TRAF3IP2: variants seen among roughly 807,000 people sequenced by gnomAD.
TRAF3IP2 encodes E3 ubiquitin ligase TRAF3IP2.
TRAF3IP2 carries 35 observed loss-of-function variants against 57.9 expected under a neutral mutation model. That is an observed-to-expected ratio of 0.60 (90% confidence interval 0.46 to 0.80). The LOEUF is 0.80. Ranked by LOEUF, TRAF3IP2 falls within the 30% of genes least tolerant of loss-of-function variation. The probability of loss-of-function intolerance (pLI) is 0.00; values close to 1 mark genes in which losing one functional copy is unlikely to be tolerated. For missense variants in TRAF3IP2, 556 were observed against 706.4 expected, an observed-to-expected ratio of 0.79 and a Z score of 2.41; for synonymous variants, 251 against 268.9, an observed-to-expected ratio of 0.93 and a Z score of 0.65.
rs368701195 is a variant in TRAF3IP2 at position 111,591,808 on chromosome 6, G to A, written c.279C>T (p.Asp93=). Residue 93 remains aspartate, a synonymous_variant, in exon 2 of 9, where the codon GAC becomes GAT. Coordinates refer to ENST00000368761, the MANE Select transcript of TRAF3IP2 (RefSeq NM_147686.4). This position sits in a 1 kb window ranked among gnomAD's most constrained non-coding sequence, Gnocchi z 4.9. ...GGCCTGGGTGTCTCCTGCAGAAACTGTCTTCACTGTCCTCCAGAACTTGAG... is the reference window on the plus strand; with the variant it reads ...GGCCTGGGTGTCTCCTGCAGAAACTATCTTCACTGTCCTCCAGAACTTGAG... ...LRTQVLEDSE[D]SFCRRHPGLG... The A allele has an allele frequency of 6.2e-6, 10 of 1,614,150 alleles. No homozygotes were observed. The African/African-American group carries it at 1.3e-4, about 22-fold the overall frequency.
intron 6 of TRAF3IP2, 143 bp downstream of exon 6, chr6:111,567,481 G>T: frequency 1.5e-6 from 2 of 1,305,924 alleles, no homozygotes; most frequent in Non-Finnish European, 9.9e-7. Flanking sequence ...GTCTTTGCAC[G>T]GCTTCCAACA....
At position 111,557,430 on chromosome 6, in the gene TRAF3IP2, T is replaced by TG. The variant is rs1259058969; in HGVS notation, c.*1974_*1975insC. 1 of 144,074 alleles carries TG rather than the reference T, an allele frequency of 6.9e-6. No individual in the cohort carries two copies. Among genetic ancestry groups the TG allele is most frequent in the Non-Finnish European group, 1.5e-5 (1 of 65,920 alleles). 8.9% of individuals were successfully genotyped at this position (144,074 alleles called of 1,614,324 possible). On this transcript the variant is annotated 3_prime_UTR_variant, in exon 9 of 9. Coordinates refer to ENST00000368761, the MANE Select transcript of TRAF3IP2 (RefSeq NM_147686.4). ...ACCTGAGGGTATTGTTGAAGTTTTT[T>TG]TTTTTTTTTTTTTTTTTGAGACGGA...
chr6:111,578,273 A>C (rs1259583160), intron 3 of TRAF3IP2, among the ~76,000 whole-genome samples: 4 of 152,190 alleles, frequency 2.6e-5, no homozygotes. Context: ...CTTCTGTTAG[A>C]GTGCCTATCC....
At chr6:111,567,389 G>T (rs1795687506) in intron 6 of TRAF3IP2, 2 of 1,262,602 alleles carry the variant, frequency 1.6e-6, no homozygotes, top group South Asian at 2.8e-5. Context: ...TCCTCTGATT[G>T]TTATCAACCA....
chr6:111,573,484 T>C (rs1466816358), intron 4 of TRAF3IP2: 1 of 153,782 alleles, frequency 6.5e-6, no homozygotes, highest in East Asian at 1.9e-4. Flanking sequence ...AGTGAGAAAC[T>C]GGTTCCCCGC....
chr6:111,593,076 T>C (rs1225535941), intron 1 of TRAF3IP2, among the ~76,000 whole-genome samples: 4 of 152,234 alleles, frequency 2.6e-5, no homozygotes, highest in Admixed American at 6.5e-5. Context: ...ATTGAGATGA[T>C]GCCTTGACTG....
intron 1 of TRAF3IP2, chr6:111,601,995 A>G (rs532559865): frequency 2.0e-5 from 3 of 152,360 alleles, no homozygotes; most frequent in African/African-American, 7.2e-5. Context: ...CAATGAACAA[A>G]TACTTCCAAG....
intron 1 of TRAF3IP2, among the ~76,000 whole-genome samples, chr6:111,604,708 G>A (rs75892631): frequency 0.062 from 9,491 of 152,244 alleles, 583 homozygotes; most frequent in African/African-American, 0.15. Flanking sequence ...TGGAAGGGGG[G>A]TGAGCACCTA....
chr6:111,573,341 C>G (rs955428116), intron 4 of TRAF3IP2, among the ~76,000 whole-genome samples: 1 of 152,098 alleles, frequency 6.6e-6, no homozygotes, highest in Non-Finnish European at 1.5e-5. Flanking sequence ...GCACTGTGCC[C>G]AAGGAATACT....
chr6:111,599,905 G>A (rs1042362454), intron 1 of TRAF3IP2: 2 of 152,112 alleles, frequency 1.3e-5, no homozygotes, highest in African/African-American at 2.4e-5. Flanking sequence ...CTAGGATGTG[G>A]GAACATATGC....
chr6:111,560,454 G>C (rs1404981025), intron 8 of TRAF3IP2, among the ~76,000 whole-genome samples: 1 of 152,212 alleles, frequency 6.6e-6, no homozygotes, highest in African/African-American at 2.4e-5. Context: ...CTTTGCTTTT[G>C]AGTCTAACTC....
rs1795350340 is a variant in TRAF3IP2 at position 111,559,402 on chromosome 6, G to A, written c.*3C>T. ...GGCCTCAGTGATCTGGGGATGAACG[G>A]TGTCACAAGGGAACCACCTGAAGGG... On this transcript the variant is annotated 3_prime_UTR_variant, in exon 9 of 9. Coordinates refer to ENST00000368761, the MANE Select transcript of TRAF3IP2 (RefSeq NM_147686.4). 2.5e-6 allele frequency: 4 copies of A among 1,612,792 alleles called. No individual in the cohort carries two copies. In the Admixed American group the frequency reaches 6.7e-5, roughly 27 times the overall value.
chr6:111,591,651 A>G lies in TRAF3IP2; in HGVS notation c.436T>C (p.Ser146Pro). The change falls in exon 2 of 9, where the codon TCA (serine) becomes CCA (proline). Residue 146 changes from serine to proline, a missense_variant. Transcript: ENST00000368761. The surrounding 1 kb of genome is among the most constrained non-coding windows in gnomAD (Gnocchi z 4.9). Reference protein sequence around the residue: ...KRNQWLVSQLSAASPDTGHDS... With the variant: ...KRNQWLVSQLPAASPDTGHDS... ...TGGCCAGTGTCAGGAGAAGCCGCTG[A>G]AAGCTGAGATACCAGCCATTGATTA... The G allele has an allele frequency of 5.0e-6, 8 of 1,614,256 alleles. No homozygotes were observed. The highest frequency in any genetic ancestry group is 6.8e-6 in the Non-Finnish European group (8 of 1,180,036).
At position 111,563,009 on chromosome 6, in the gene TRAF3IP2, T is replaced by C. The variant is rs1053340006; in HGVS notation, c.1507A>G (p.Met503Val). ...MQIEFIKQGS[M>V]NFRFIPVLFP... ...AGCACAGGGATGAATCTGAAATTCATGCTTCCTTGTTTTATGAACTCAATC... is the reference window on the plus strand; with the variant it reads ...AGCACAGGGATGAATCTGAAATTCACGCTTCCTTGTTTTATGAACTCAATC... Residue 503 changes from methionine to valine, a missense_variant, in exon 8 of 9, where the codon ATG (methionine) becomes GTG (valine). Physicochemically the swap from Met to Val is conservative, Grantham distance 21. Coordinates refer to ENST00000368761, the MANE Select transcript of TRAF3IP2 (RefSeq NM_147686.4). 2.5e-6 allele frequency: 4 copies of C among 1,613,212 alleles called. No individual in the cohort carries two copies. In the African/African-American group the frequency reaches 5.3e-5, roughly 22 times the overall value.
intron 7 of TRAF3IP2, among the ~76,000 whole-genome samples, chr6:111,563,598 CAG>C: frequency 6.6e-6 from 1 of 152,258 alleles, no homozygotes; most frequent in Middle Eastern, 3.4e-3. Flanking sequence ...CATTCTACAT[CAG>C]AGATTGGAAG....
intron 3 of TRAF3IP2, among the ~76,000 whole-genome samples, chr6:111,579,570 A>G (rs1172928097): frequency 6.6e-6 from 1 of 152,058 alleles, no homozygotes; most frequent in African/African-American, 2.4e-5. Context: ...CTTCACTACA[A>G]AATATACAAA....
intron 1 of TRAF3IP2, among the ~76,000 whole-genome samples, chr6:111,605,528 C>T (rs1398520292): frequency 2.0e-5 from 3 of 152,242 alleles, no homozygotes; most frequent in Admixed American, 1.3e-4. Context: ...GCCTCCTCTC[C>T]TCAAAGGGTT....
intron 7 of TRAF3IP2, among the ~76,000 whole-genome samples, chr6:111,565,543 G>T (rs1325939045): frequency 6.6e-6 from 1 of 152,110 alleles, no homozygotes; most frequent in Non-Finnish European, 1.5e-5. Flanking sequence ...CAGCACATAT[G>T]GGCACCCACT....
intron 1 of TRAF3IP2, among the ~76,000 whole-genome samples, chr6:111,603,964 C>T (rs1313317083): frequency 6.6e-6 from 1 of 152,206 alleles, no homozygotes; most frequent in Non-Finnish European, 1.5e-5. Flanking sequence ...GCGAGGCTGG[C>T]AAGTGCACAA....
Sources: allele counts gnomAD v4.1 joint callset (sites outside exome capture counted in the v4.1 genomes callset), GRCh38; gene constraint gnomAD v4.1.1; non-coding constraint Gnocchi (gnomAD v3.1); transcripts MANE v1.5; gene names NCBI Gene and HGNC (gene_info 2026-07-23, HGNC 2026-07-21).